The following SPTLC2 variants were observed in gnomAD, a reference collection of about 807,000 sequenced individuals.
SPTLC2 encodes the protein serine palmitoyltransferase long chain base subunit 2.
In SPTLC2, 21 loss-of-function variants were observed where a neutral mutation model predicts 62.0. The observed-to-expected ratio is 0.34, with a 90% CI of 0.24 to 0.49. The LOEUF is 0.49. Ranked by LOEUF, SPTLC2 falls within the 20% of genes least tolerant of loss-of-function variation. SPTLC2 has a pLI of 0.99. For missense variants in SPTLC2, 511 were observed against 713.0 expected (o/e 0.72, Z 3.23); for synonymous variants, 261 against 261.8 (o/e 1.00, Z 0.03).
chr14:77,525,259 G>C (rs2079403437), intron 9 of SPTLC2, among the ~76,000 whole-genome samples: 1 of 152,110 alleles, frequency 6.6e-6, no homozygotes, highest in Non-Finnish European at 1.5e-5. Flanking sequence ...AACAGCCACT[G>C]CACTCCAGCC....
At chr14:77,544,016 CAAAAA>C (rs2079515419) in intron 9 of SPTLC2, among the ~76,000 whole-genome samples, 1 of 151,868 alleles carries the variant, frequency 6.6e-6, no homozygotes, top group South Asian at 2.1e-4. Flanking sequence ...AGAGGATTGT[CAAAAA>C]GACAATCCTC....
intron 2 of SPTLC2, among the ~76,000 whole-genome samples, chr14:77,587,734 G>A (rs974200756): frequency 6.8e-6 from 1 of 147,790 alleles, no homozygotes; most frequent in South Asian, 2.2e-4. Flanking sequence ...TCCAGCCTGG[G>A]CGACAAGAGC....
chr14:77,529,198 T>TAG (rs942751651), intron 9 of SPTLC2, among the ~76,000 whole-genome samples: 14 of 151,910 alleles, frequency 9.2e-5, no homozygotes, highest in Admixed American at 5.9e-4. Flanking sequence ...GATTATACTA[T>TAG]AGAGAGAGAA....
intron 9 of SPTLC2, among the ~76,000 whole-genome samples, chr14:77,543,951 C>T (rs966653818): frequency 6.6e-6 from 1 of 152,070 alleles, no homozygotes; most frequent in Non-Finnish European, 1.5e-5. Context: ...TTTTCAATTA[C>T]CATCAATCAG....
At chr14:77,577,695 T>C (rs567686405) in intron 3 of SPTLC2, among the ~76,000 whole-genome samples, 1 of 152,286 alleles carries the variant, frequency 6.6e-6, no homozygotes, top group South Asian at 2.1e-4. Context: ...GTCAGGAGAT[T>C]GAGACCATCC....
At chr14:77,546,415 A>G (rs904826367) in intron 9 of SPTLC2, among the ~76,000 whole-genome samples, 1 of 152,250 alleles carries the variant, frequency 6.6e-6, no homozygotes, top group Non-Finnish European at 1.5e-5. Flanking sequence ...AAGTTATTAT[A>G]TAAGAAATCT....
Position 77,557,031 on chromosome 14 carries a change from G to C in SPTLC2, c.956+10C>G, listed in dbSNP as rs767903051. ...AAGTCACAAAGGTAAGAATAATAAA[G>C]CAGGATTACCTATATATTCCTTCCA... On this transcript the variant is annotated intron_variant, in intron 7 of 11. Transcript: ENST00000216484. The C allele has an allele frequency of 4.5e-5, 72 of 1,607,534 alleles. 1 individual carries two copies. The highest frequency in any genetic ancestry group is 4.3e-4 in the South Asian group (39 of 90,940).
intron 5 of SPTLC2, among the ~76,000 whole-genome samples, chr14:77,567,403 T>A (rs961459736): frequency 6.6e-6 from 1 of 152,342 alleles, no homozygotes; most frequent in Admixed American, 6.5e-5. Context: ...TTCTAACAAA[T>A]AAGAATCTCA....
At chr14:77,578,349 T>TTA (rs35762082) in intron 3 of SPTLC2, among the ~76,000 whole-genome samples, 4,357 of 151,342 alleles carry the variant, frequency 0.029, 216 homozygotes, top group African/African-American at 0.1. Context: ...TTTTTTTTTT[T>TTA]AAAGTCAAGA....
chr14:77,583,207 A>AATCAATCAATC (rs1251438634), intron 2 of SPTLC2, among the ~76,000 whole-genome samples: 12 of 146,424 alleles, frequency 8.2e-5, no homozygotes, highest in African/African-American at 3.0e-4. Context: ...CTCAATAAAT[A>AATCAATCAATC]AATAAATAAA....
rs1566763209 is a variant in SPTLC2 at position 77,506,216 on chromosome 14, G to A, written c.*6068C>T. 6.6e-6 allele frequency: 1 copy of A among 152,180 alleles called. No homozygotes were observed. Among genetic ancestry groups the A allele is most frequent in the South Asian group, 2.1e-4 (1 of 4,828 alleles). 9.4% of individuals were successfully genotyped at this position (152,180 alleles called of 1,614,324 possible). ...AAAGGGAAACAGGGTAAGAGAGAGT[G>A]ACATTTTAACACATTACTAAAATGT... On this transcript the variant is annotated 3_prime_UTR_variant, in exon 12 of 12. Coordinates refer to ENST00000216484, the MANE Select transcript of SPTLC2 (RefSeq NM_004863.4).
intron 9 of SPTLC2, among the ~76,000 whole-genome samples, chr14:77,528,238 CT>C (rs527554344): frequency 8.1e-5 from 12 of 148,902 alleles, no homozygotes; most frequent in Admixed American, 1.3e-4. Flanking sequence ...TTTTCCTCTT[CT>C]TTTTTTTTTG....
intron 1 of SPTLC2, among the ~76,000 whole-genome samples, chr14:77,610,919 T>A (rs1039462130): frequency 1.3e-5 from 2 of 149,772 alleles, no homozygotes; most frequent in East Asian, 1.9e-4. Context: ...ATATATATAT[T>A]TTTATTTATT....
intron 9 of SPTLC2, among the ~76,000 whole-genome samples, chr14:77,526,389 C>G (rs2079409313): frequency 6.6e-6 from 1 of 152,090 alleles, no homozygotes; most frequent in Admixed American, 6.6e-5. Context: ...ATCTTTGGCT[C>G]CGAAAGAACA....
intron 2 of SPTLC2, among the ~76,000 whole-genome samples, chr14:77,584,687 G>C (rs1292386693): frequency 6.6e-6 from 1 of 152,100 alleles, no homozygotes; most frequent in African/African-American, 2.4e-5. Flanking sequence ...GAAATACTTT[G>C]ATAGCGTTCA....
intron 5 of SPTLC2, among the ~76,000 whole-genome samples, chr14:77,563,774 A>G (rs1352843739): frequency 6.6e-6 from 1 of 152,200 alleles, no homozygotes; most frequent in Non-Finnish European, 1.5e-5. Context: ...TCCACGTGTA[A>G]GTGGACCTGC....
intron 1 of SPTLC2, among the ~76,000 whole-genome samples, chr14:77,600,881 C>T (rs944104857): frequency 6.6e-6 from 1 of 152,126 alleles, no homozygotes; most frequent in African/African-American, 2.4e-5. Flanking sequence ...ATCTAATGGG[C>T]CATTTTGTCC....
intron 2 of SPTLC2, among the ~76,000 whole-genome samples, chr14:77,584,703 C>T (rs1040901243): frequency 5.9e-5 from 9 of 152,224 alleles, no homozygotes; most frequent in African/African-American, 2.2e-4. Context: ...GTTCAAAGCA[C>T]TTCAAGACCA....
rs564672118 is a variant in SPTLC2 at position 77,508,653 on chromosome 14, A to G, written c.*3631T>C. 6.6e-6 allele frequency: 1 copy of G among 152,330 alleles called. No individual in the cohort carries two copies. The highest frequency in any genetic ancestry group is 2.4e-5 in the African/African-American group (1 of 41,576). 9.4% of individuals were successfully genotyped at this position (152,330 alleles called of 1,614,324 possible). On this transcript the variant is annotated 3_prime_UTR_variant, in exon 12 of 12. Coordinates refer to ENST00000216484, the MANE Select transcript of SPTLC2 (RefSeq NM_004863.4). ...CTCATCCCCCTGGTTTTCACCAATAAGAAGGAAGCAAAGTGTATAACACAC... is the reference window on the plus strand; with the variant it reads ...CTCATCCCCCTGGTTTTCACCAATAGGAAGGAAGCAAAGTGTATAACACAC...
Sources: gnomAD v4.1 joint callset for allele counts (sites outside exome capture counted in the v4.1 genomes callset) on GRCh38, gnomAD v4.1.1 for gene constraint, MANE v1.5 for transcripts, NCBI Gene and HGNC (gene_info 2026-07-23, HGNC 2026-07-21) for gene names.